TXNRD1: variants seen among roughly 807,000 people sequenced by gnomAD.
The protein encoded by TXNRD1 is thioredoxin reductase 1, cytoplasmic.
In TXNRD1, 57 loss-of-function variants were observed where a neutral mutation model predicts 80.3. The observed-to-expected ratio is 0.71, with a 90% CI of 0.57 to 0.89. The LOEUF is 0.89. Among genes scored for constraint, TXNRD1 ranks in the 40% least tolerant of loss-of-function variants. The pLI is 0.00. For synonymous variants in TXNRD1, 291 were observed against 285.2 expected, an observed-to-expected ratio of 1.02 and a Z score of -0.20; for missense variants, 730 against 803.0, an observed-to-expected ratio of 0.91 and a Z score of 1.10.
chr12:104,290,749 A>ATATG (rs2034169654), intron 4 of TXNRD1, among the ~76,000 whole-genome samples: 1 of 117,024 alleles, frequency 8.5e-6, no homozygotes, highest in African/African-American at 3.4e-5. Context: ...ATATATATAT[A>ATATG]TATATATATG....
intron 4 of TXNRD1, among the ~76,000 whole-genome samples, chr12:104,308,234 A>G (rs1292181624): frequency 1.3e-5 from 2 of 152,124 alleles, no homozygotes; most frequent in African/African-American, 4.8e-5. Context: ...AGACCTCATG[A>G]TCCACCCGCC....
At chr12:104,264,694 G>A (rs946270968) in intron 3 of TXNRD1, among the ~76,000 whole-genome samples, 1 of 152,074 alleles carries the variant, frequency 6.6e-6, no homozygotes, top group African/African-American at 2.4e-5. Context: ...CTACAAAATA[G>A]TCCATGTATT....
chr12:104,215,880 C>T lies in TXNRD1; in HGVS notation c.78C>T (p.Gly26=), dbSNP rs771158343. 1 of 1,556,230 alleles carries T rather than the reference C, an allele frequency of 6.4e-7. No individual in the cohort carries two copies. The highest frequency in any genetic ancestry group is 8.7e-7 in the Non-Finnish European group (1 of 1,150,416). The part of the protein sequence containing the change: ...ELQTKGKNGD[G]RRRSAKDHHP... ...AGACGAAAGGCAAGAACGGCGATGGCCGCCGTAGGTCAGGTACGACCGAGG... is the reference window on the plus strand; with the variant it reads ...AGACGAAAGGCAAGAACGGCGATGGTCGCCGTAGGTCAGGTACGACCGAGG... Residue 26 remains glycine, a synonymous_variant, in exon 1 of 17, where the codon GGC becomes GGT. Coordinates refer to ENST00000525566, the MANE Select transcript of TXNRD1 (RefSeq NM_001093771.3).
At chr12:104,233,082 G>T (rs189496910) in intron 1 of TXNRD1, among the ~76,000 whole-genome samples, 1 of 152,222 alleles carries the variant, frequency 6.6e-6, no homozygotes, top group Non-Finnish European at 1.5e-5. Flanking sequence ...TATGCTGTAA[G>T]CTGGGAATGC....
chr12:104,342,106 G>A (rs142290515), intron 16 of TXNRD1, among the ~76,000 whole-genome samples: 306 of 152,162 alleles, frequency 2.0e-3, no homozygotes, highest in Non-Finnish European at 3.3e-3. Flanking sequence ...ATTTAGGGGT[G>A]TTTATAGAGG....
chr12:104,235,031 G>A (rs1289401322), intron 1 of TXNRD1, among the ~76,000 whole-genome samples: 1 of 152,148 alleles, frequency 6.6e-6, no homozygotes, highest in Non-Finnish European at 1.5e-5. Context: ...GTTGAGCTGG[G>A]GGAAGGTGTT....
intron 3 of TXNRD1, among the ~76,000 whole-genome samples, chr12:104,283,479 T>G (rs1481398119): frequency 6.6e-6 from 1 of 151,630 alleles, no homozygotes; most frequent in Non-Finnish European, 1.5e-5. Context: ...CTCGCACTCC[T>G]GACCTCGTAA....
At chr12:104,235,842 G>A (rs887062183) in intron 1 of TXNRD1, among the ~76,000 whole-genome samples, 3 of 152,138 alleles carry the variant, frequency 2.0e-5, no homozygotes, top group African/African-American at 4.8e-5. Flanking sequence ...CTGTAGCCAC[G>A]TGGCAATACT....
chr12:104,239,356 G>A (rs1210859908), intron 1 of TXNRD1, among the ~76,000 whole-genome samples: 1 of 152,042 alleles, frequency 6.6e-6, no homozygotes, highest in East Asian at 1.9e-4. Context: ...ACTACAACCG[G>A]CTAATTTTTT....
intron 1 of TXNRD1, among the ~76,000 whole-genome samples, chr12:104,221,308 G>T (rs1028135521): frequency 3.3e-5 from 5 of 151,218 alleles, no homozygotes; most frequent in African/African-American, 7.3e-5. Flanking sequence ...CGTTTGTTTG[G>T]ATTTTTATTT....
chr12:104,257,079 T>C (rs2033270135), intron 2 of TXNRD1, among the ~76,000 whole-genome samples: 1 of 151,634 alleles, frequency 6.6e-6, no homozygotes, highest in East Asian at 1.9e-4. Flanking sequence ...AGGAATATGG[T>C]TCTAAACTTT....
At chr12:104,259,133 C>T (rs1305808835) in intron 3 of TXNRD1, among the ~76,000 whole-genome samples, 3 of 152,112 alleles carry the variant, frequency 2.0e-5, no homozygotes, top group Non-Finnish European at 4.4e-5. Flanking sequence ...AGTCCCAGCA[C>T]TTGGGGAGGC....
intron 3 of TXNRD1, chr12:104,286,835 G>A: frequency 9.4e-7 from 1 of 1,061,548 alleles, no homozygotes; most frequent in Non-Finnish European, 1.1e-6. Flanking sequence ...GGGCGGCTAT[G>A]AGCAGGCAGA....
At position 104,350,117 on chromosome 12, in the gene TXNRD1, A is replaced by G. The variant is rs2036600192; in HGVS notation, c.*1696A>G. The G allele has an allele frequency of 6.6e-6, 1 of 152,140 alleles. No homozygotes were observed. The highest frequency in any genetic ancestry group is 1.5e-5 in the Non-Finnish European group (1 of 68,030). 9.4% of individuals were successfully genotyped at this position (152,140 alleles called of 1,614,324 possible). Reference sequence around the variant, plus strand: ...GATTCTCTTTTCTTAGTGGAGTGGAATGTTCTATCCCCACAAGAAGGATTA... The same window carrying G: ...GATTCTCTTTTCTTAGTGGAGTGGAGTGTTCTATCCCCACAAGAAGGATTA... On this transcript the variant is annotated 3_prime_UTR_variant, in exon 17 of 17. Coordinates refer to ENST00000525566, the MANE Select transcript of TXNRD1 (RefSeq NM_001093771.3).
intron 3 of TXNRD1, among the ~76,000 whole-genome samples, chr12:104,279,445 C>T (rs1421006415): frequency 6.6e-6 from 1 of 152,150 alleles, no homozygotes; most frequent in East Asian, 1.9e-4. Context: ...ACAGTAATTA[C>T]AGGGACTGAA....
intron 13 of TXNRD1, 99 bp from the exon 14 acceptor site, chr12:104,331,435 T>A: frequency 1.6e-6 from 1 of 635,400 alleles, no homozygotes; most frequent in Non-Finnish European, 2.7e-6. Context: ...TAGAAATTTA[T>A]TACTCTTATA....
intron 3 of TXNRD1, among the ~76,000 whole-genome samples, chr12:104,261,728 A>C (rs1236456858): frequency 6.6e-6 from 1 of 152,196 alleles, no homozygotes; most frequent in Non-Finnish European, 1.5e-5. Context: ...ATTCAAAAAA[A>C]TGTGAAACAA....
chr12:104,237,332 A>T (rs1015710068), intron 1 of TXNRD1, among the ~76,000 whole-genome samples: 14 of 152,200 alleles, frequency 9.2e-5, no homozygotes, highest in African/African-American at 3.4e-4. Context: ...CCATACCCCA[A>T]TAAGAGATGA....
intron 4 of TXNRD1, among the ~76,000 whole-genome samples, chr12:104,309,568 A>T (rs978460343): frequency 2.6e-5 from 4 of 152,240 alleles, no homozygotes; most frequent in Non-Finnish European, 4.4e-5. Context: ...TCATGCAGAT[A>T]AAATGAGGTT....
Sources: allele counts gnomAD v4.1 joint callset (sites outside exome capture counted in the v4.1 genomes callset), GRCh38; gene constraint gnomAD v4.1.1; transcripts MANE v1.5; gene names NCBI Gene and HGNC (gene_info 2026-07-23, HGNC 2026-07-21).